The following NEK1 variants were observed in gnomAD, a reference collection of about 807,000 sequenced individuals.
NEK1 encodes NIMA related kinase 1.
NEK1 carries 137 observed loss-of-function variants against 182.1 expected under a neutral mutation model. The observed-to-expected ratio is 0.75, with a 90% CI of 0.65 to 0.87. NEK1 has a LOEUF of 0.87. Ranked by LOEUF, NEK1 falls within the 40% of genes least tolerant of loss-of-function variation. NEK1 has a pLI of 0.00. For synonymous variants in NEK1, 513 were observed against 492.2 expected, an observed-to-expected ratio of 1.04 and a Z score of -0.56; for missense variants, 1,391 against 1,494.4, an observed-to-expected ratio of 0.93 and a Z score of 1.14.
At chr4:169,482,701 T>C (rs982280063) in intron 23 of NEK1, among the ~76,000 whole-genome samples, 40 of 151,862 alleles carry the variant, frequency 2.6e-4, no homozygotes, top group Admixed American at 2.6e-3. Flanking sequence ...TGGGGTGCAA[T>C]GGCTCAGTGA....
In NEK1 at chr4:169,579,787, C is replaced by CA. The variant is rs759017295; in HGVS notation, c.868+1054dup. Among the ~76,000 whole-genome samples, 1,110 of 114,714 alleles carry CA rather than the reference C, an allele frequency of 9.7e-3. 10 individuals are homozygous for CA. Among genetic ancestry groups the CA allele is most frequent in the Non-Finnish European group, 0.014 (767 of 54,634 alleles). The allele number at this position is 114,714 out of a possible 152,430, so 75.3% of individuals were successfully genotyped here. Reference sequence around the variant, plus strand: ...CCGGCGACAGAGCAAGACTCCATCTCAAAAAAAAAAAAAAAGACGGGCTAA... The same window carrying CA: ...CCGGCGACAGAGCAAGACTCCATCTCAAAAAAAAAAAAAAAAGACGGGCTAA... On this transcript the variant is annotated intron_variant, in intron 11 of 35. Transcript: ENST00000507142.
intron 31 of NEK1, among the ~76,000 whole-genome samples, chr4:169,409,750 AG>A (rs1423924762): frequency 2.0e-5 from 3 of 152,212 alleles, no homozygotes; most frequent in Admixed American, 6.5e-5. Context: ...CCTGGGCGAC[AG>A]AGCGAGACTT....
intron 19 of NEK1, among the ~76,000 whole-genome samples, chr4:169,510,213 T>C (rs1445578846): frequency 6.6e-6 from 1 of 152,166 alleles, no homozygotes; most frequent in Non-Finnish European, 1.5e-5. Flanking sequence ...CTTTAACATA[T>C]GCTGCCAATT....
chr4:169,483,315 G>A (rs1298833862), intron 23 of NEK1, among the ~76,000 whole-genome samples: 1 of 152,076 alleles, frequency 6.6e-6, no homozygotes, highest in African/African-American at 2.4e-5. Context: ...TGACAATAAT[G>A]AAAAAGTTTG....
intron 26 of NEK1, among the ~76,000 whole-genome samples, chr4:169,466,282 T>C (rs528128421): frequency 1.6e-4 from 24 of 152,066 alleles, no homozygotes; most frequent in East Asian, 1.5e-3. Context: ...TCAAGTTTGA[T>C]GAAAACTATA....
chr4:169,458,202 A>G (rs918672819), intron 27 of NEK1, among the ~76,000 whole-genome samples: 1 of 152,192 alleles, frequency 6.6e-6, no homozygotes, highest in Admixed American at 6.5e-5. Flanking sequence ...GCAAAAGAAC[A>G]GGAAAAAAGT....
chr4:169,466,806 T>C (rs971963711), intron 26 of NEK1, among the ~76,000 whole-genome samples: 11 of 152,098 alleles, frequency 7.2e-5, no homozygotes, highest in Non-Finnish European at 1.6e-4. Context: ...TTTCTCTTAT[T>C]ATTTAAATCT....
intron 23 of NEK1, among the ~76,000 whole-genome samples, chr4:169,488,820 A>G (rs1749521206): frequency 6.6e-6 from 1 of 152,306 alleles, no homozygotes; most frequent in Admixed American, 6.5e-5. Context: ...ATTATGCTAT[A>G]TTAGACTTTC....
Position 169,507,134 on chromosome 4 carries a change from T to C in NEK1, c.1912-2A>G. On this transcript the variant is annotated splice_acceptor_variant, in intron 22 of 35. Transcript: ENST00000507142. LOFTEE classifies it high-confidence loss of function. Reference sequence around the variant, plus strand: ...AGCAGCACGTGCATTTGCATGGGCCTAAAAATAAAAACAATTAACAAAATG... The same window carrying C: ...AGCAGCACGTGCATTTGCATGGGCCCAAAAATAAAAACAATTAACAAAATG... The C allele has an allele frequency of 6.7e-7, 1 of 1,499,706 alleles. No homozygotes were observed. The highest frequency in any genetic ancestry group is 9.0e-7 in the Non-Finnish European group (1 of 1,109,974). The allele number at this position is 1,499,706 out of a possible 1,614,324, so 92.9% of individuals were successfully genotyped here.
At chr4:169,451,301 A>G (rs1414588521) in intron 27 of NEK1, among the ~76,000 whole-genome samples, 4 of 152,234 alleles carry the variant, frequency 2.6e-5, no homozygotes, top group African/African-American at 9.6e-5. Context: ...AGACATCTAC[A>G]GAACTCTCCA....
intron 5 of NEK1, among the ~76,000 whole-genome samples, chr4:169,597,750 C>T (rs969417987): frequency 4.6e-5 from 7 of 151,782 alleles, no homozygotes; most frequent in Admixed American, 2.6e-4. Context: ...CTGGCTAACA[C>T]GGTGAAACCC....
chr4:169,438,123 T>A lies in NEK1; in HGVS notation c.2724A>T (p.Ala908=). Residue 908 remains alanine (A), a synonymous_variant, in exon 28 of 36, where the codon GCA becomes GCT. Coordinates refer to ENST00000507142, the MANE Select transcript of NEK1 (RefSeq NM_001199397.3). ...VETKSPEFSE[A]SPQMSLKLEG... is the part of the protein sequence containing the mutation. Reference sequence around the variant, plus strand: ...CCAGTTTCAATGACATCTGTGGAGATGCCTCACTGAACTCGGGACTTTTTG... The same window carrying A: ...CCAGTTTCAATGACATCTGTGGAGAAGCCTCACTGAACTCGGGACTTTTTG... 1 of 1,612,454 alleles carries A rather than the reference T, an allele frequency of 6.2e-7. No individual in the cohort carries two copies. Among genetic ancestry groups the A allele is most frequent in the South Asian group, 1.1e-5 (1 of 90,530 alleles).
intron 35 of NEK1, among the ~76,000 whole-genome samples, chr4:169,394,874 A>G (rs1208749176): frequency 6.6e-6 from 1 of 152,238 alleles, no homozygotes; most frequent in East Asian, 1.9e-4. Flanking sequence ...AGGTGGATAC[A>G]TAAGTGATAA....
intron 29 of NEK1, among the ~76,000 whole-genome samples, chr4:169,428,693 A>G (rs1232190835): frequency 2.6e-5 from 4 of 152,080 alleles, no homozygotes; most frequent in East Asian, 1.9e-4. Flanking sequence ...GACTTGTACA[A>G]TTTTAAATGG....
At chr4:169,608,168 T>C (rs897941188) in intron 2 of NEK1, among the ~76,000 whole-genome samples, 8 of 151,190 alleles carry the variant, frequency 5.3e-5, no homozygotes, top group Non-Finnish European at 1.0e-4. Context: ...CAGAGAAATA[T>C]TGAAAAAGAA....
At chr4:169,543,940 T>A (rs1011707244) in intron 18 of NEK1, among the ~76,000 whole-genome samples, 4 of 152,200 alleles carry the variant, frequency 2.6e-5, no homozygotes, top group Non-Finnish European at 4.4e-5. Context: ...CAGAGACAAT[T>A]TGACTTCCTC....
intron 23 of NEK1, among the ~76,000 whole-genome samples, chr4:169,495,152 T>C (rs1359897692): frequency 1.3e-5 from 2 of 151,974 alleles, no homozygotes; most frequent in African/African-American, 4.8e-5. Flanking sequence ...GTTTTAGACA[T>C]GAAGTCCTTG....
chr4:169,487,554 A>G (rs546909946), intron 23 of NEK1, among the ~76,000 whole-genome samples: 23 of 152,302 alleles, frequency 1.5e-4, no homozygotes, highest in South Asian at 2.1e-4. Context: ...TTCTTTATCC[A>G]GTCTATCACT....
rs1018152335 is a variant in NEK1, at chr4:169,602,544, C to T, written c.87G>A (p.Gln29=). The part of the protein sequence containing the change: ...ILVKSTEDGR[Q]YVIKEINISR... ...AGATGTTAATTTCCTTGATAACATA[C>T]TGTCTGCCATCTTCTGTAGATTTAA... Residue 29 remains glutamine, a synonymous_variant, in exon 3 of 36, where the codon CAG becomes CAA. Coordinates refer to ENST00000507142, the MANE Select transcript of NEK1 (RefSeq NM_001199397.3). The T allele has an allele frequency of 1.0e-5, 16 of 1,601,376 alleles. No individual in the cohort carries two copies. In the Admixed American group the frequency reaches 2.5e-4, roughly 25 times the overall value.
Sources: gnomAD v4.1 joint callset for allele counts (sites outside exome capture counted in the v4.1 genomes callset) on GRCh38, gnomAD v4.1.1 for gene constraint, MANE v1.5 for transcripts, NCBI Gene and HGNC (gene_info 2026-07-23, HGNC 2026-07-21) for gene names.